Variants in CTNND2 observed in about 807,000 individuals in gnomAD.
CTNND2 encodes the protein catenin delta-2.
A neutral mutation model predicts 144.4 loss-of-function variants in CTNND2; 22 were observed. The ratio of observed to expected loss-of-function variants is 0.15; its 90% confidence interval spans 0.11 to 0.22. CTNND2 has a LOEUF of 0.22. CTNND2 is among the 10% of genes least tolerant of loss of function. CTNND2 has a pLI of 1.00. For synonymous variants in CTNND2, 751 were observed against 695.6 expected, an observed-to-expected ratio of 1.08 and a Z score of -1.25; for missense variants, 1,353 against 1,618.8, an observed-to-expected ratio of 0.84 and a Z score of 2.82.
At chr5:11,544,982 T>A (rs1416282271) in intron 3 of CTNND2, among the ~76,000 whole-genome samples, 1 of 150,658 alleles carries the variant, frequency 6.6e-6, no homozygotes, top group African/African-American at 2.4e-5. Flanking sequence ...ATTAGCCGGG[T>A]GTGATGACGC....
intron 1 of CTNND2, among the ~76,000 whole-genome samples, chr5:11,865,738 G>A (rs1795729822): frequency 6.6e-6 from 1 of 151,866 alleles, no homozygotes; most frequent in South Asian, 2.1e-4. Context: ...TTATTGAGGT[G>A]GGCTTACAAT....
rs574436257 is a variant in CTNND2 at position 11,777,876 on chromosome 5, T to C, written c.38-45604A>G. Among the ~76,000 whole-genome samples the C allele has an allele frequency of 4.6e-5, 7 of 152,310 alleles. No homozygotes were observed. The South Asian group carries it at 6.2e-4, about 14-fold the overall frequency. Reference sequence around the variant, plus strand: ...GTGATTTTGAGATATCTAAATGTTTTTGAGAACTACTGGTCTATTCCACAA... The same window carrying C: ...GTGATTTTGAGATATCTAAATGTTTCTGAGAACTACTGGTCTATTCCACAA... On this transcript the variant is annotated intron_variant, in intron 1 of 21. Transcript: ENST00000304623.
intron 18 of CTNND2, among the ~76,000 whole-genome samples, chr5:11,017,215 T>C (rs1736305875): frequency 6.6e-6 from 1 of 152,146 alleles, no homozygotes; most frequent in East Asian, 1.9e-4. Flanking sequence ...GCACCCCTTA[T>C]TGAGCAGATT....
At chr5:11,661,893 G>A (rs545114625) in intron 2 of CTNND2, among the ~76,000 whole-genome samples, 3 of 151,684 alleles carry the variant, frequency 2.0e-5, no homozygotes, top group African/African-American at 7.3e-5. Context: ...GAGCATTACC[G>A]TTCAAACTCT....
At position 11,736,570 on chromosome 5, in the gene CTNND2, A is replaced by C. The variant is rs1226608143; in HGVS notation, c.38-4298T>G. On this transcript the variant is annotated intron_variant, in intron 1 of 21. Transcript: ENST00000304623. ...CAGGTCACACAGAAGAGAGAGAGGA[A>C]ACCACAAAAGACCTGCCCCAGTGAA... 2.6e-5 allele frequency among the ~76,000 whole-genome samples: 4 copies of C among 152,328 alleles called. No individual in the cohort carries two copies. The East Asian group carries it at 7.7e-4, about 29-fold the overall frequency.
At chr5:11,448,014 A>G (rs898919585) in intron 3 of CTNND2, among the ~76,000 whole-genome samples, 8 of 152,182 alleles carry the variant, frequency 5.3e-5, no homozygotes, top group African/African-American at 1.9e-4. Context: ...TGGCCCCTAA[A>G]TCAAGCCTTG....
chr5:11,296,798 A>G (rs994897821), intron 9 of CTNND2, among the ~76,000 whole-genome samples: 1 of 152,100 alleles, frequency 6.6e-6, no homozygotes, highest in Non-Finnish European at 1.5e-5. Flanking sequence ...ACACATGGAC[A>G]CAGGAAGGGG....
At chr5:11,516,970 T>G (rs1269890365) in intron 3 of CTNND2, among the ~76,000 whole-genome samples, 2 of 152,214 alleles carry the variant, frequency 1.3e-5, no homozygotes, top group Non-Finnish European at 2.9e-5. Flanking sequence ...ATGTAGTTAC[T>G]ACTATATAAA....
chr5:10,996,667 T>C (rs1056450794), intron 18 of CTNND2, among the ~76,000 whole-genome samples: 1 of 152,080 alleles, frequency 6.6e-6, no homozygotes, highest in African/African-American at 2.4e-5. Context: ...GGCGTGATCT[T>C]GGCTCGCTGC....
chr5:11,415,476 C>A (rs11954794), intron 3 of CTNND2, among the ~76,000 whole-genome samples: 4,627 of 152,052 alleles, frequency 0.03, 232 homozygotes, highest in African/African-American at 0.1. Flanking sequence ...TTTGTTGGTG[C>A]GTGCCTCTAT....
At chr5:11,647,974 G>A (rs1004773966) in intron 2 of CTNND2, among the ~76,000 whole-genome samples, 6 of 152,072 alleles carry the variant, frequency 3.9e-5, no homozygotes, top group African/African-American at 1.4e-4. Context: ...AGGCTTGCTT[G>A]GCTAAATCTT....
intron 3 of CTNND2, among the ~76,000 whole-genome samples, chr5:11,500,099 C>G (rs1770394124): frequency 6.6e-6 from 1 of 152,118 alleles, no homozygotes; most frequent in African/African-American, 2.4e-5. Flanking sequence ...CTGAATTTCC[C>G]TCATCTCTGC....
intron 18 of CTNND2, among the ~76,000 whole-genome samples, chr5:11,014,253 C>T (rs1741382627): frequency 6.6e-6 from 1 of 152,206 alleles, no homozygotes; most frequent in African/African-American, 2.4e-5. Context: ...GCCATCCTGA[C>T]AGTTCCCCAA....
chr5:11,262,517 C>T (rs1054901044), intron 9 of CTNND2, among the ~76,000 whole-genome samples: 5 of 152,076 alleles, frequency 3.3e-5, no homozygotes, highest in Non-Finnish European at 7.4e-5. Context: ...AATTCCAGCA[C>T]TTTGGGAGGC....
chr5:11,194,518 C>T (rs1463390432), intron 11 of CTNND2, among the ~76,000 whole-genome samples: 1 of 152,144 alleles, frequency 6.6e-6, no homozygotes, highest in Non-Finnish European at 1.5e-5. Flanking sequence ...AAAAGACTCC[C>T]CACTACAACA....
At chr5:11,535,925 C>T (rs1774177777) in intron 3 of CTNND2, among the ~76,000 whole-genome samples, 1 of 152,180 alleles carries the variant, frequency 6.6e-6, no homozygotes, top group Non-Finnish European at 1.5e-5. Context: ...GAACTTTCCT[C>T]ATCTGTAAAA....
At chr5:11,709,370 G>A (rs1315246515) in intron 2 of CTNND2, among the ~76,000 whole-genome samples, 2 of 152,214 alleles carry the variant, frequency 1.3e-5, no homozygotes, top group East Asian at 3.8e-4. Flanking sequence ...CAGTGTGAAT[G>A]ATCTCTTATT....
chr5:11,374,700 C>T (rs1757754284), intron 7 of CTNND2, among the ~76,000 whole-genome samples: 1 of 151,134 alleles, frequency 6.6e-6, no homozygotes, highest in Non-Finnish European at 1.5e-5. Context: ...TGGAGTCTGG[C>T]TTCCAGACCT....
chr5:11,799,337 CCTG>C (rs1361549758), intron 1 of CTNND2, among the ~76,000 whole-genome samples: 3 of 152,086 alleles, frequency 2.0e-5, no homozygotes, highest in Admixed American at 2.0e-4. Context: ...TAATTTACCA[CCTG>C]CTTTCTTCCT....
Sources: gnomAD v4.1 joint callset for allele counts (sites outside exome capture counted in the v4.1 genomes callset) on GRCh38, gnomAD v4.1.1 for gene constraint, MANE v1.5 for transcripts, NCBI Gene and HGNC (gene_info 2026-07-23, HGNC 2026-07-21) for gene names.